Variants in ATXN3 observed in about 807,000 individuals in gnomAD.
The protein encoded by ATXN3 is ataxin-3.
In ATXN3, 28 loss-of-function variants were observed where a neutral mutation model predicts 58.2. That is an observed-to-expected ratio of 0.48 (90% CI 0.36 to 0.66). The LOEUF is 0.66. Among genes scored for constraint, ATXN3 ranks in the 30% least tolerant of loss-of-function variants. The probability of loss-of-function intolerance (pLI) is 0.00; values close to 1 mark genes in which losing one functional copy is unlikely to be tolerated. For synonymous variants in ATXN3, 113 were observed against 138.5 expected (o/e 0.82, Z 1.29); for missense variants, 321 against 422.1 (o/e 0.76, Z 2.10).
In ATXN3 at chr14:92,062,748, T is replaced by C. The variant is rs1319070971; in HGVS notation, c.*1572A>G. On this transcript the variant is annotated 3_prime_UTR_variant, in exon 11 of 11. Transcript: ENST00000644486. ...AAATCTGTTATATCGAAGAAAAAGC[T>C]ATTTTATAATCATAAATAAAAGATA... The C allele has an allele frequency of 6.6e-6, 1 of 152,642 alleles. No homozygotes were observed. Among genetic ancestry groups the C allele is most frequent in the Non-Finnish European group, 1.5e-5 (1 of 68,040 alleles). 9.5% of individuals were successfully genotyped at this position (152,642 alleles called of 1,614,324 possible). A position where few individuals can be genotyped will look rare whatever the true frequency, so the allele number is the denominator to read the frequency against.
Position 92,076,270 on chromosome 14 carries a change from AC to A in ATXN3, c.872+4694del, listed in dbSNP as rs534198061. Among the ~76,000 whole-genome samples the A allele has an allele frequency of 3.7e-4, 56 of 151,940 alleles. No individual in the cohort carries two copies. In the South Asian group the frequency reaches 0.011, roughly 29 times the overall value. ...AGACCAGTCTGGCCAACATGGTGAA[AC>A]CCCCTCTCTACTAAAAATACAAAAA... On this transcript the variant is annotated intron_variant, in intron 9 of 10. Coordinates refer to ENST00000644486, the MANE Select transcript of ATXN3 (RefSeq NM_004993.6).
upstream of ATXN3, chr14:92,050,486 C>T (rs558269159): frequency 7.9e-5 from 12 of 152,484 alleles, no homozygotes; most frequent in African/African-American, 2.2e-4. Flanking sequence ...GCCTGTGAAC[C>T]TCAGTGGCTA....
At chr14:92,103,334 C>T (rs1048832089) in intron 1 of ATXN3, among the ~76,000 whole-genome samples, 21 of 152,182 alleles carry the variant, frequency 1.4e-4, no homozygotes, top group Non-Finnish European at 2.8e-4. Flanking sequence ...CTACAGCTGG[C>T]CTGCAAAGCC....
chr14:92,064,437 T>C, intron 10 of ATXN3, 23 bp from the exon 11 acceptor site: 1 of 1,539,974 alleles, frequency 6.5e-7, no homozygotes, highest in South Asian at 1.2e-5. Context: ...AAAACCACAT[T>C]TCTTTAAAAT....
At chr14:92,095,775 T>G (rs190071316) in intron 3 of ATXN3, among the ~76,000 whole-genome samples, 320 of 151,410 alleles carry the variant, frequency 2.1e-3, no homozygotes, top group Non-Finnish European at 3.1e-3. Context: ...CCCCACTATC[T>G]CTACTAAAAA....
At chr14:92,078,759 T>G (rs1355513913) in intron 9 of ATXN3, among the ~76,000 whole-genome samples, 2 of 152,242 alleles carry the variant, frequency 1.3e-5, no homozygotes, top group Non-Finnish European at 2.9e-5. Context: ...TTAACTATGT[T>G]AAAAATAAAG....
chr14:92,052,014 C>A (rs929617119), upstream of ATXN3, among the ~76,000 whole-genome samples: 18 of 151,884 alleles, frequency 1.2e-4, no homozygotes, highest in African/African-American at 3.4e-4. Context: ...AGCCACCGCA[C>A]CCAGCCTCTT....
intron 9 of ATXN3, among the ~76,000 whole-genome samples, chr14:92,074,653 CT>C (rs2060032125): frequency 6.6e-6 from 1 of 152,210 alleles, no homozygotes; most frequent in African/African-American, 2.4e-5. Context: ...TTCATCCTTT[CT>C]TAAGATTATG....
intron 6 of ATXN3, among the ~76,000 whole-genome samples, chr14:92,088,120 G>C (rs573253829): frequency 4.0e-5 from 6 of 151,702 alleles, no homozygotes; most frequent in South Asian, 2.1e-4. Context: ...CCAGGCTGGA[G>C]GGCAGTGGCG....
At chr14:92,080,791 C>T (rs998998316) in intron 9 of ATXN3, 174 bp downstream of exon 9, 13 of 618,674 alleles carry the variant, frequency 2.1e-5, no homozygotes, top group Non-Finnish European at 3.3e-5. Context: ...CCGCCTTGGC[C>T]TCCCAAACTG....
intron 9 of ATXN3, among the ~76,000 whole-genome samples, chr14:92,072,974 T>G (rs2059705671): frequency 2.0e-5 from 3 of 152,348 alleles, no homozygotes; most frequent in Middle Eastern, 6.8e-3. Context: ...GACCTTAGTG[T>G]GCATGGCTAA....
chr14:92,060,225 T>C lies in ATXN3; in HGVS notation c.*4095A>G, dbSNP rs1031708754. ...ATAAAGTTTTTAATAGGAAGTCATA[T>C]ATATATACATATATATATACACACA... On this transcript the variant is annotated 3_prime_UTR_variant, in exon 11 of 11. Transcript: ENST00000644486. The C allele has an allele frequency of 1.4e-5, 2 of 143,598 alleles. No homozygotes were observed. The highest frequency in any genetic ancestry group is 2.6e-5 in the African/African-American group (1 of 38,092). 8.9% of individuals were successfully genotyped at this position (143,598 alleles called of 1,614,324 possible).
chr14:92,068,945 A>G (rs560421487), intron 10 of ATXN3, among the ~76,000 whole-genome samples: 1 of 152,326 alleles, frequency 6.6e-6, no homozygotes, highest in South Asian at 2.1e-4. Context: ...AACAGGAGGA[A>G]TAGAAAAAAG....
intron 6 of ATXN3, among the ~76,000 whole-genome samples, 189 bp downstream of exon 6, chr14:92,088,541 A>C (rs887407865): frequency 2.0e-5 from 3 of 152,230 alleles, no homozygotes; most frequent in Non-Finnish European, 4.4e-5. Context: ...TCAGAAGAGG[A>C]AGGGCCAGGT....
chr14:92,069,428 T>C (rs1164557385), intron 10 of ATXN3, among the ~76,000 whole-genome samples: 2 of 127,532 alleles, frequency 1.6e-5, no homozygotes, highest in South Asian at 2.6e-4. Flanking sequence ...GGCTGGAGTA[T>C]AGTGGCACGA....
chr14:92,096,986 CA>C (rs1408915112), intron 1 of ATXN3, 148 bp from the exon 2 acceptor site: 2 of 636,342 alleles, frequency 3.1e-6, no homozygotes, highest in African/African-American at 3.8e-5. Context: ...TGGCTCACTG[CA>C]AGCTCCGCCA....
chr14:92,078,593 T>C (rs34207682), intron 9 of ATXN3, among the ~76,000 whole-genome samples: 43,470 of 150,246 alleles, frequency 0.29, 6,579 homozygotes, highest in East Asian at 0.44. Context: ...GAACTCCTGA[T>C]CTCAGGTGAT....
chr14:92,067,799 T>TG (rs764934309), intron 10 of ATXN3, among the ~76,000 whole-genome samples: 1 of 152,180 alleles, frequency 6.6e-6, no homozygotes, highest in Non-Finnish European at 1.5e-5. Flanking sequence ...GACACAGCAC[T>TG]GGCAACAGGG....
chr14:92,075,012 G>C (rs2060090149), intron 9 of ATXN3, among the ~76,000 whole-genome samples: 1 of 152,184 alleles, frequency 6.6e-6, no homozygotes, highest in South Asian at 2.1e-4. Flanking sequence ...GTTAAGGCAG[G>C]TTTTACAGTG....
Sources: gnomAD v4.1 joint callset for allele counts (sites outside exome capture counted in the v4.1 genomes callset) on GRCh38, gnomAD v4.1.1 for gene constraint, MANE v1.5 for transcripts, NCBI Gene and HGNC (gene_info 2026-07-23, HGNC 2026-07-21) for gene names.